The following UGT2B7 variants were observed in gnomAD, a reference collection of about 807,000 sequenced individuals.
UGT2B7 encodes the protein UDP glucuronosyltransferase family 2 member B7, also known as UDP-glucuronosyltransferase 2B7.
UGT2B7 carries 51 observed loss-of-function variants against 51.9 expected under a neutral mutation model. The observed-to-expected ratio is 0.98, with a 90% CI of 0.78 to 1.24. The LOEUF (loss-of-function observed/expected upper bound fraction) is 1.24, where lower values mean the gene tolerates loss of function less well. UGT2B7 is among the 50% of genes most tolerant of loss of function. The pLI is 0.00. For missense variants in UGT2B7, 727 were observed against 628.4 expected (o/e 1.16, Z -1.68); for synonymous variants, 225 against 211.6 (o/e 1.06, Z -0.55).
intron 1 of UGT2B7, among the ~76,000 whole-genome samples, chr4:69,064,096 GAGAAAGAAAGAAAGAA>G (rs1307030337): frequency 0.011 from 806 of 75,574 alleles, 29 homozygotes; most frequent in East Asian, 0.083. Flanking sequence ...AAGAAAGAAA[GAGAAAGAAAGAAAGAA>G]AAAGAAAGAA....
intron 5 of UGT2B7, among the ~76,000 whole-genome samples, chr4:69,109,978 G>GA (rs567288195): frequency 8.7e-4 from 131 of 151,308 alleles, no homozygotes; most frequent in African/African-American, 2.8e-3. Context: ...TGGACAAATA[G>GA]AAAAAAAATA....
rs998877683 is a variant in UGT2B7 at position 69,084,067 on chromosome 4, G to A, written c.-158-5405G>A. Among the ~76,000 whole-genome samples, 7 of 152,162 alleles carry A rather than the reference G, an allele frequency of 4.6e-5. No individual in the cohort carries two copies. The South Asian group carries it at 1.4e-3, about 31-fold the overall frequency. ...AGTGTTTTTAGTATACTTGTTGAAA[G>A]TTGAAAGTTTTCATCATGAAGAAAT... On this transcript the variant is annotated intron_variant, in intron 1 of 5. Coordinates refer to the UGT2B7 transcript ENST00000502942.
intron 1 of UGT2B7, among the ~76,000 whole-genome samples, chr4:69,080,212 A>C (rs987046262): frequency 6.6e-6 from 1 of 152,252 alleles, no homozygotes; most frequent in East Asian, 1.9e-4. Flanking sequence ...AAAACAAAAA[A>C]TATTGTGAAA....
chr4:69,085,557 G>C (rs576540533), intron 1 of UGT2B7, among the ~76,000 whole-genome samples: 49 of 152,200 alleles, frequency 3.2e-4, no homozygotes, highest in Non-Finnish European at 6.8e-4. Flanking sequence ...GTCCTGAATG[G>C]CATTGCCTAG....
chr4:69,051,943 T>G (rs1718027906), intron 1 of UGT2B7, among the ~76,000 whole-genome samples: 1 of 152,168 alleles, frequency 6.6e-6, no homozygotes, highest in African/African-American at 2.4e-5. Flanking sequence ...CTTTTACCTG[T>G]TCTTTGTTTT....
At chr4:69,094,037 G>A (rs939144500), upstream of UGT2B7, among the ~76,000 whole-genome samples, 3 of 151,662 alleles carry the variant, frequency 2.0e-5, no homozygotes, top group African/African-American at 7.3e-5. Flanking sequence ...ACTAATACAA[G>A]GCATACTTCT....
chr4:69,062,631 A>G (rs1039760139), intron 1 of UGT2B7, among the ~76,000 whole-genome samples: 1 of 152,126 alleles, frequency 6.6e-6, no homozygotes, highest in African/African-American at 2.4e-5. Flanking sequence ...GACATAGACC[A>G]TCTGACCCGA....
At chr4:69,083,720 G>T (rs1403574287) in intron 1 of UGT2B7, among the ~76,000 whole-genome samples, 1 of 151,874 alleles carries the variant, frequency 6.6e-6, no homozygotes, top group Non-Finnish European at 1.5e-5. Flanking sequence ...CTGATTTTTG[G>T]GTGATGATTT....
chr4:69,112,364 C>A (rs1273683444), intron 5 of UGT2B7, 93 bp from the exon 6 acceptor site: 12 of 1,487,442 alleles, frequency 8.1e-6, no homozygotes, highest in Non-Finnish European at 1.1e-5. Flanking sequence ...ATGCTCCCAG[C>A]CGAATAAAAC....
chr4:69,096,514 C>G lies in UGT2B7; in HGVS notation c.-7C>G. ...CAACTGGAAAACAAGCATTGCATTG[C>G]ACCAGGATGTCTGTGAAATGGACTT... On this transcript the variant is annotated 5_prime_UTR_variant, in exon 1 of 6. Transcript: ENST00000305231. 1 of 1,613,782 alleles carries G rather than the reference C, an allele frequency of 6.2e-7. No individual in the cohort carries two copies. Among genetic ancestry groups the G allele is most frequent in the Non-Finnish European group, 8.5e-7 (1 of 1,179,772 alleles).
intron 1 of UGT2B7, among the ~76,000 whole-genome samples, chr4:69,071,369 G>T (rs1718596457): frequency 2.0e-5 from 3 of 152,002 alleles, no homozygotes; most frequent in African/African-American, 7.2e-5. Context: ...TAAATTGTAG[G>T]TGGAATAAAG....
chr4:69,062,385 A>G (rs1227626989), intron 1 of UGT2B7, among the ~76,000 whole-genome samples: 2 of 152,232 alleles, frequency 1.3e-5, no homozygotes, highest in African/African-American at 4.8e-5. Context: ...CAAAAAGTAT[A>G]TGGCTAAGCG....
intron 4 of UGT2B7, 85 bp downstream of exon 4, chr4:69,107,347 A>T: frequency 7.1e-7 from 1 of 1,400,500 alleles, no homozygotes; most frequent in Non-Finnish European, 9.7e-7. Flanking sequence ...AGCTTATTGA[A>T]TATTTGTTAA....
upstream of UGT2B7, among the ~76,000 whole-genome samples, chr4:69,092,431 C>T (rs1396697042): frequency 1.3e-5 from 2 of 152,110 alleles, no homozygotes; most frequent in Non-Finnish European, 2.9e-5. Flanking sequence ...ATAATTTTCT[C>T]TGGGGAGCTA....
rs1468467931 is a variant in UGT2B7, at chr4:69,103,152, T to C, written c.1002+214T>C. 3.3e-5 allele frequency among the ~76,000 whole-genome samples: 5 copies of C among 152,042 alleles called. No homozygotes were observed. In the East Asian group the frequency reaches 9.6e-4, roughly 29 times the overall value. On this transcript the variant is annotated intron_variant, in intron 3 of 5. Transcript: ENST00000305231. ...AAGTATGAACATTCCCCTATGTAAATATGCTGACAATAAATTGAATGGAGA... is the reference window on the plus strand; with the variant it reads ...AAGTATGAACATTCCCCTATGTAAACATGCTGACAATAAATTGAATGGAGA...
chr4:69,081,640 C>A (rs1441126491), intron 1 of UGT2B7, among the ~76,000 whole-genome samples: 1 of 152,086 alleles, frequency 6.6e-6, no homozygotes, highest in African/African-American at 2.4e-5. Context: ...CAGGACTTCT[C>A]TCCTTCTGTG....
chr4:69,061,712 C>T (rs1037352967), intron 1 of UGT2B7, among the ~76,000 whole-genome samples: 1 of 152,150 alleles, frequency 6.6e-6, no homozygotes, highest in African/African-American at 2.4e-5. Flanking sequence ...TGCAATGGCT[C>T]ACCGCTATTA....
chr4:69,057,440 TA>T (rs1718232015), intron 1 of UGT2B7, among the ~76,000 whole-genome samples: 3 of 152,200 alleles, frequency 2.0e-5, no homozygotes, highest in African/African-American at 7.2e-5. Context: ...GAGGTTTGTT[TA>T]AAAAATTGAC....
intron 1 of UGT2B7, among the ~76,000 whole-genome samples, chr4:69,088,681 G>A (rs1468589624): frequency 1.3e-5 from 2 of 152,098 alleles, no homozygotes; most frequent in Non-Finnish European, 2.9e-5. Flanking sequence ...TGGCATTCCT[G>A]CTAATAGGAA....
Sources: gnomAD v4.1 joint callset for allele counts (sites outside exome capture counted in the v4.1 genomes callset) on GRCh38, gnomAD v4.1.1 for gene constraint, MANE v1.5 for transcripts, NCBI Gene and HGNC (gene_info 2026-07-23, HGNC 2026-07-21) for gene names.